PRKG1: variants seen among roughly 807,000 people sequenced by gnomAD.
PRKG1 encodes the protein cGMP-dependent protein kinase 1.
Under a neutral mutation model 88.1 loss-of-function variants are expected in PRKG1, and 35 were observed. The observed-to-expected ratio is 0.40, with a 90% CI of 0.30 to 0.53. The LOEUF (loss-of-function observed/expected upper bound fraction) is 0.53, where lower values mean the gene tolerates loss of function less well. Among genes scored for constraint, PRKG1 ranks in the 20% least tolerant of loss-of-function variants. The pLI is 0.59. For synonymous variants in PRKG1, 303 were observed against 292.5 expected (o/e 1.04, Z -0.37); for missense variants, 540 against 839.8 (o/e 0.64, Z 4.41).
At chr10:51,564,310 T>G (rs1015990503) in intron 3 of PRKG1, among the ~76,000 whole-genome samples, 1 of 152,142 alleles carries the variant, frequency 6.6e-6, no homozygotes, top group African/African-American at 2.4e-5. Context: ...GAGATTGTAT[T>G]CTATTCTTTG....
intron 3 of PRKG1, among the ~76,000 whole-genome samples, chr10:51,738,767 TC>T (rs1323628614): frequency 6.6e-6 from 1 of 152,224 alleles, no homozygotes; most frequent in Admixed American, 6.5e-5. Context: ...GAAATAAACT[TC>T]AATCCCCCCT....
chr10:51,834,157 G>A (rs999851533), intron 4 of PRKG1, among the ~76,000 whole-genome samples: 1 of 152,024 alleles, frequency 6.6e-6, no homozygotes, highest in South Asian at 2.1e-4. Flanking sequence ...TTAGTCAGAC[G>A]CTTCCCCAAA....
chr10:51,242,543 A>G (rs1839181859), intron 2 of PRKG1, among the ~76,000 whole-genome samples: 1 of 152,166 alleles, frequency 6.6e-6, no homozygotes, highest in South Asian at 2.1e-4. Context: ...AGGTACCAGC[A>G]ATGATGTCCA....
chr10:52,141,443 A>G (rs2132650426), intron 8 of PRKG1, among the ~76,000 whole-genome samples: 1 of 152,258 alleles, frequency 6.6e-6, no homozygotes, highest in East Asian at 1.9e-4. Flanking sequence ...GATATACAGC[A>G]TGACTGACTG....
At chr10:51,708,639 G>A (rs1334621324) in intron 3 of PRKG1, among the ~76,000 whole-genome samples, 1 of 152,078 alleles carries the variant, frequency 6.6e-6, no homozygotes, top group Non-Finnish European at 1.5e-5. Flanking sequence ...CCAGTTTTCT[G>A]GAACTGGGAA....
chr10:51,213,641 T>A (rs1342281437), intron 2 of PRKG1, among the ~76,000 whole-genome samples: 1 of 152,196 alleles, frequency 6.6e-6, no homozygotes, highest in Non-Finnish European at 1.5e-5. Context: ...TTGTTGTAAT[T>A]TGGCTGAAAC....
intron 3 of PRKG1, among the ~76,000 whole-genome samples, chr10:51,651,218 A>T (rs1257096258): frequency 6.6e-6 from 1 of 152,188 alleles, no homozygotes; most frequent in Non-Finnish European, 1.5e-5. Context: ...AACCTCAGGC[A>T]TGATATTCAA....
chr10:51,777,254 T>A (rs1214139878), intron 3 of PRKG1, among the ~76,000 whole-genome samples: 1 of 152,124 alleles, frequency 6.6e-6, no homozygotes, highest in East Asian at 1.9e-4. Context: ...CAGGTATGCA[T>A]TATTATGTCT....
intron 1 of PRKG1, among the ~76,000 whole-genome samples, chr10:51,055,325 A>G (rs1843613699): frequency 1.3e-5 from 2 of 152,208 alleles, no homozygotes; most frequent in South Asian, 4.1e-4. Context: ...CAGCAGATTG[A>G]CTTGAAATTC....
intron 1 of PRKG1, among the ~76,000 whole-genome samples, chr10:51,085,551 G>A (rs918958270): frequency 2.0e-5 from 3 of 151,930 alleles, no homozygotes; most frequent in Admixed American, 6.6e-5. Context: ...TGAACTTTTG[G>A]AGGGTACCAA....
chr10:51,306,352 G>A lies in PRKG1; in HGVS notation c.478+153022G>A, dbSNP rs111475078. ...GAATTCAAGAGTGAGATTTGGGCTTGAAAATCACCTATTTGAGATTGATAT... is the reference window on the plus strand; with the variant it reads ...GAATTCAAGAGTGAGATTTGGGCTTAAAAATCACCTATTTGAGATTGATAT... On this transcript the variant is annotated intron_variant, in intron 2 of 17. Transcript: ENST00000373980. Among the ~76,000 whole-genome samples the A allele has an allele frequency of 4.2e-3, 634 of 152,278 alleles. 8 individuals are homozygous for A. The highest frequency in any genetic ancestry group is 7.0e-3 in the Non-Finnish European group (475 of 68,018).
chr10:51,352,423 T>C (rs1314512845), intron 2 of PRKG1, among the ~76,000 whole-genome samples: 2 of 152,118 alleles, frequency 1.3e-5, no homozygotes, highest in African/African-American at 2.4e-5. Flanking sequence ...TCTTATTTCC[T>C]TGAGCAGTGG....
At chr10:51,773,511 C>T (rs114788034) in intron 3 of PRKG1, among the ~76,000 whole-genome samples, 3,420 of 152,040 alleles carry the variant, frequency 0.022, 125 homozygotes, top group African/African-American at 0.077. Context: ...GTACCAGGCT[C>T]ATGATGATGA....
chr10:51,211,078 C>T (rs1270453048), intron 2 of PRKG1, among the ~76,000 whole-genome samples: 1 of 152,188 alleles, frequency 6.6e-6, no homozygotes, highest in Non-Finnish European at 1.5e-5. Flanking sequence ...AAAATACTGG[C>T]AAAACGAATC....
intron 3 of PRKG1, among the ~76,000 whole-genome samples, chr10:51,794,702 T>C (rs1449947455): frequency 1.3e-5 from 2 of 152,092 alleles, no homozygotes; most frequent in Non-Finnish European, 2.9e-5. Context: ...CATTCTACAA[T>C]GTATACATAT....
chr10:51,856,690 G>C (rs1475427737), intron 4 of PRKG1, among the ~76,000 whole-genome samples: 1 of 152,184 alleles, frequency 6.6e-6, no homozygotes, highest in Non-Finnish European at 1.5e-5. Flanking sequence ...ACATGGCCAG[G>C]CATGGTGGCT....
At chr10:51,625,928 A>G (rs778127083) in intron 3 of PRKG1, among the ~76,000 whole-genome samples, 6 of 152,204 alleles carry the variant, frequency 3.9e-5, no homozygotes, top group Non-Finnish European at 5.9e-5. Flanking sequence ...GGAACTTGTC[A>G]TTCACTCTAC....
intron 4 of PRKG1, among the ~76,000 whole-genome samples, chr10:51,856,673 G>A (rs562130168): frequency 5.0e-4 from 76 of 152,208 alleles, no homozygotes; most frequent in African/African-American, 1.8e-3. Flanking sequence ...ACAAAGAAAA[G>A]GCTTAGACAT....
chr10:51,095,979 T>A (rs1844517902), intron 1 of PRKG1, among the ~76,000 whole-genome samples: 1 of 152,174 alleles, frequency 6.6e-6, no homozygotes, highest in Non-Finnish European at 1.5e-5. Context: ...GTAACATTTT[T>A]AATTATGAGC....
Sources: allele counts gnomAD v4.1 joint callset (sites outside exome capture counted in the v4.1 genomes callset), GRCh38; gene constraint gnomAD v4.1.1; transcripts MANE v1.5; gene names NCBI Gene and HGNC (gene_info 2026-07-23, HGNC 2026-07-21).